The following UBASH3B variants were observed in gnomAD, a reference collection of about 807,000 sequenced individuals.
UBASH3B encodes the protein ubiquitin associated and SH3 domain containing B.
UBASH3B carries 37 observed loss-of-function variants against 83.4 expected under a neutral mutation model. The observed-to-expected ratio is 0.44, with a 90% CI of 0.34 to 0.58. The LOEUF (loss-of-function observed/expected upper bound fraction) is 0.58, where lower values mean the gene tolerates loss of function less well. UBASH3B is among the 20% of genes least tolerant of loss of function. The pLI is 0.01. For missense variants in UBASH3B, 657 were observed against 827.2 expected (o/e 0.79, Z 2.52); for synonymous variants, 304 against 318.3 (o/e 0.96, Z 0.48).
intron 5 of UBASH3B, among the ~76,000 whole-genome samples, chr11:122,784,743 A>G (rs1033351381): frequency 4.6e-5 from 7 of 152,190 alleles, no homozygotes; most frequent in African/African-American, 1.7e-4. Flanking sequence ...GAGCCAACCC[A>G]TGAGTCAGAG....
rs770822936 is a variant in UBASH3B, at chr11:122,794,684, C to T, written c.981-18C>T. 6.2e-7 allele frequency: 1 copy of T among 1,613,868 alleles called. No homozygotes were observed. Among genetic ancestry groups the T allele is most frequent in the African/African-American group, 1.3e-5 (1 of 74,922 alleles). On this transcript the variant is annotated intron_variant, in intron 6 of 13. Transcript: ENST00000284273. Reference sequence around the variant, plus strand: ...TGCTGGCCAGAGCAGTTAACACCTTCCTTATCTTCCTCTGCAGTTCTTATT... The same window carrying T: ...TGCTGGCCAGAGCAGTTAACACCTTTCTTATCTTCCTCTGCAGTTCTTATT...
rs1428664827 is a variant in UBASH3B at position 122,806,451 on chromosome 11, A to G, written c.1637A>G (p.Tyr546Cys). ...PISKLVVSES[Y>C]DTYISRSFQV... ...AGCAAATTAGTTGTTTCAGAATCCT[A>G]TGATACTTATATCAGTAGAAGTTTC... The change falls in exon 12 of 14, where the codon TAT (tyrosine) becomes TGT (cysteine). Residue 546 changes from tyrosine (Y) to cysteine (C), a missense_variant. By Grantham distance (194) the Tyr-to-Cys change is radical (BLOSUM62 -2). Coordinates refer to ENST00000284273, the MANE Select transcript of UBASH3B (RefSeq NM_032873.5). The surrounding 1 kb of genome is among the most constrained non-coding windows in gnomAD (Gnocchi z 4.0). 1 of 1,606,394 alleles carries G rather than the reference A, an allele frequency of 6.2e-7. No homozygotes were observed. The highest frequency in any genetic ancestry group is 1.3e-5 in the African/African-American group (1 of 74,610).
chr11:122,703,255 G>A (rs1172164762), intron 1 of UBASH3B, among the ~76,000 whole-genome samples: 2 of 151,888 alleles, frequency 1.3e-5, no homozygotes, highest in East Asian at 1.9e-4. Context: ...GTGAAACCCC[G>A]TCTCTACTAA....
intron 1 of UBASH3B, among the ~76,000 whole-genome samples, chr11:122,667,305 C>G (rs1863532995): frequency 6.6e-6 from 1 of 152,084 alleles, no homozygotes; most frequent in African/African-American, 2.4e-5. Context: ...CTCAGCCTCC[C>G]AAAGTGTTGG....
intron 4 of UBASH3B, among the ~76,000 whole-genome samples, chr11:122,780,499 C>T (rs962234618): frequency 3.3e-5 from 5 of 152,204 alleles, no homozygotes; most frequent in African/African-American, 1.2e-4. Context: ...CTCGCTCCAG[C>T]ATGAAATCAC....
rs74900984 is a variant in UBASH3B, at chr11:122,746,767, T to A, written c.162-29452T>A. Among the ~76,000 whole-genome samples, 5 of 152,332 alleles carry A rather than the reference T, an allele frequency of 3.3e-5. No homozygotes were observed. In the East Asian group the frequency reaches 9.7e-4, roughly 29 times the overall value. ...TGAATAGTTCAGGGCATTTACCGTG[T>A]GCTCAGTTTTGAAGGCACCAAGTTA... is the stretch of plus-strand genomic sequence containing the variant. On this transcript the variant is annotated intron_variant, in intron 1 of 13. Coordinates refer to ENST00000284273, the MANE Select transcript of UBASH3B (RefSeq NM_032873.5).
At chr11:122,672,786 T>C (rs1863615739) in intron 1 of UBASH3B, among the ~76,000 whole-genome samples, 1 of 152,188 alleles carries the variant, frequency 6.6e-6, no homozygotes, top group African/African-American at 2.4e-5. Flanking sequence ...CAGAGCTTCC[T>C]GGTTAGCCTC....
At chr11:122,665,875 G>T (rs1309241296) in intron 1 of UBASH3B, among the ~76,000 whole-genome samples, 1 of 152,192 alleles carries the variant, frequency 6.6e-6, no homozygotes, top group Non-Finnish European at 1.5e-5. Flanking sequence ...TTGCTCAGGG[G>T]CACCTTTTAA....
intron 1 of UBASH3B, chr11:122,774,275 T>C: frequency 1.0e-6 from 1 of 985,462 alleles, no homozygotes; most frequent in Non-Finnish European, 1.2e-6. Flanking sequence ...TAAGTAGGCT[T>C]GCCTTTTACA....
chr11:122,704,578 C>T (rs1276914897), intron 1 of UBASH3B, among the ~76,000 whole-genome samples: 2 of 151,724 alleles, frequency 1.3e-5, no homozygotes, highest in East Asian at 1.9e-4. Context: ...GGCGTGATCT[C>T]GGCTCACTGC....
In UBASH3B at chr11:122,661,845, C is replaced by T. The variant is rs74236707; in HGVS notation, c.161+5635C>T. Among the ~76,000 whole-genome samples, 28 of 140,296 alleles carry T rather than the reference C, an allele frequency of 2.0e-4. No homozygotes were observed. The East Asian group carries it at 4.5e-3, about 22-fold the overall frequency. 92.0% of individuals were successfully genotyped at this position (140,296 alleles called of 152,430 possible). A position where few individuals can be genotyped will look rare whatever the true frequency, so the allele number is the denominator to read the frequency against. On this transcript the variant is annotated intron_variant, in intron 1 of 13. Coordinates refer to ENST00000284273, the MANE Select transcript of UBASH3B (RefSeq NM_032873.5). ...AGTCTCCTGAACTTTCCAGGCTACA[C>T]GAGGTCCTGGTTCCAAAAAAAAAAA...
At chr11:122,809,136 G>A (rs1358272183) in intron 13 of UBASH3B, among the ~76,000 whole-genome samples, 3 of 151,788 alleles carry the variant, frequency 2.0e-5, no homozygotes, top group South Asian at 4.1e-4. Context: ...GCACAGTGGC[G>A]TAATCTCGGT....
intron 1 of UBASH3B, among the ~76,000 whole-genome samples, chr11:122,672,747 G>T (rs908992701): frequency 6.6e-6 from 1 of 152,182 alleles, no homozygotes; most frequent in Non-Finnish European, 1.5e-5. Context: ...TCCTCAGCGA[G>T]AGTTTTCTCT....
intron 11 of UBASH3B, among the ~76,000 whole-genome samples, chr11:122,803,404 T>A (rs1205876807): frequency 1.3e-5 from 2 of 152,080 alleles, no homozygotes; most frequent in Non-Finnish European, 2.9e-5. Context: ...CAGGCTCTGC[T>A]GAAAGAGCCC....
chr11:122,660,476 T>C (rs530854180), intron 1 of UBASH3B, among the ~76,000 whole-genome samples: 28 of 152,224 alleles, frequency 1.8e-4, no homozygotes, highest in South Asian at 2.1e-4. Flanking sequence ...AAAGAATGTA[T>C]TGGGGGCAAA....
chr11:122,656,348 T>A (rs1417782402), intron 1 of UBASH3B, 138 bp downstream of exon 1: 3 of 896,222 alleles, frequency 3.3e-6, no homozygotes, highest in Non-Finnish European at 4.4e-6. Flanking sequence ...GGGGGCGGGA[T>A]GGGCGCGCTG....
intron 12 of UBASH3B, among the ~76,000 whole-genome samples, chr11:122,807,661 C>T (rs1022077550): frequency 1.8e-4 from 27 of 152,058 alleles, no homozygotes; most frequent in Non-Finnish European, 3.2e-4. Context: ...AGTGATCCTC[C>T]CACATCAGCC....
At position 122,702,177 on chromosome 11, in the gene UBASH3B, C is replaced by T. The variant is rs569774071; in HGVS notation, c.161+45967C>T. Among the ~76,000 whole-genome samples the T allele has an allele frequency of 9.2e-5, 14 of 152,246 alleles. No individual in the cohort carries two copies. The South Asian group carries it at 2.9e-3, about 32-fold the overall frequency. On this transcript the variant is annotated intron_variant, in intron 1 of 13. Coordinates refer to ENST00000284273, the MANE Select transcript of UBASH3B (RefSeq NM_032873.5). ...CAAGAGGGATGGTCAGCAAACAGCC[C>T]ATGAGGAAAAGTAGCATTTGTTCCT...
chr11:122,735,202 T>G (rs11218786), intron 1 of UBASH3B, among the ~76,000 whole-genome samples: 2 of 152,188 alleles, frequency 1.3e-5, no homozygotes, highest in African/African-American at 4.8e-5. Context: ...CAATAGCATA[T>G]ATTTCTCGTT....
Sources: gnomAD v4.1 joint callset for allele counts (sites outside exome capture counted in the v4.1 genomes callset) on GRCh38, gnomAD v4.1.1 for gene constraint, Gnocchi (gnomAD v3.1) non-coding constraint, MANE v1.5 for transcripts, NCBI Gene and HGNC (gene_info 2026-07-23, HGNC 2026-07-21) for gene names.